ESYT2: variants seen among roughly 807,000 people sequenced by gnomAD.
ESYT2 encodes the protein extended synaptotagmin 2.
ESYT2 carries 54 observed loss-of-function variants against 107.2 expected under a neutral mutation model. The ratio of observed to expected loss-of-function variants is 0.50; its 90% CI spans 0.40 to 0.63. The LOEUF (loss-of-function observed/expected upper bound fraction) is 0.63, where lower values mean the gene tolerates loss of function less well. Among genes scored for constraint, ESYT2 ranks in the 30% least tolerant of loss-of-function variants. ESYT2 has a pLI of 0.00. For synonymous variants in ESYT2, 491 were observed against 434.1 expected, an observed-to-expected ratio of 1.13 and a Z score of -1.63; for missense variants, 1,020 against 1,094.5, an observed-to-expected ratio of 0.93 and a Z score of 0.96.
chr7:158,828,411 C>T (rs1293970510), intron 1 of ESYT2, among the ~76,000 whole-genome samples: 1 of 152,248 alleles, frequency 6.6e-6, no homozygotes, highest in African/African-American at 2.4e-5. Flanking sequence ...CCTAAGGAGA[C>T]CCCGCGGGCG....
chr7:158,825,350 G>A (rs190578084), intron 1 of ESYT2, among the ~76,000 whole-genome samples: 393 of 152,246 alleles, frequency 2.6e-3, no homozygotes, highest in African/African-American at 8.3e-3. Flanking sequence ...TTCACCCAGG[G>A]TAGTCTAATG....
intron 6 of ESYT2, among the ~76,000 whole-genome samples, chr7:158,780,576 G>A (rs780993586): frequency 5.3e-5 from 8 of 152,168 alleles, no homozygotes; most frequent in Non-Finnish European, 8.8e-5. Context: ...AACTATCAAC[G>A]ATGGAGTATT....
At chr7:158,808,327 C>A (rs577012273) in intron 1 of ESYT2, among the ~76,000 whole-genome samples, 1 of 152,248 alleles carries the variant, frequency 6.6e-6, no homozygotes, top group Non-Finnish European at 1.5e-5. Flanking sequence ...GGCACGTTCG[C>A]GCCGAGCATG....
chr7:158,738,991 C>T (rs772787760), intron 19 of ESYT2, 32 bp downstream of exon 19: 1 of 1,600,954 alleles, frequency 6.2e-7, no homozygotes, highest in Non-Finnish European at 8.6e-7. Context: ...CTCAGCAGCA[C>T]AGCAGCGGGC....
At chr7:158,735,715 T>A (rs1836914779) in intron 20 of ESYT2, 107 bp from the exon 21 acceptor site, 2 of 985,160 alleles carry the variant, frequency 2.0e-6, no homozygotes, top group Non-Finnish European at 3.1e-6. Context: ...TCATGTTTGT[T>A]TTTTATTATA....
At chr7:158,781,719 G>C (rs546245186) in intron 6 of ESYT2, among the ~76,000 whole-genome samples, 2 of 151,620 alleles carry the variant, frequency 1.3e-5, no homozygotes, top group Non-Finnish European at 2.9e-5. Flanking sequence ...GTAAGAACGA[G>C]AACAAATGTG....
At chr7:158,756,769 C>G (rs1376316072) in intron 13 of ESYT2, among the ~76,000 whole-genome samples, 1 of 151,772 alleles carries the variant, frequency 6.6e-6, no homozygotes, top group African/African-American at 2.4e-5. Context: ...ATTAGCCAGG[C>G]GTCGTGGTGG....
At chr7:158,810,679 C>A (rs1839968810) in intron 1 of ESYT2, among the ~76,000 whole-genome samples, 1 of 145,094 alleles carries the variant, frequency 6.9e-6, no homozygotes. Flanking sequence ...GAGACCCTGT[C>A]TTGGGGGGGA....
rs1249819849 is a variant in ESYT2, at chr7:158,734,297, A to T, written c.2556-45T>A. Reference sequence around the variant, plus strand: ...GAAGGTGGTGACGGATACAGGACCAAGTAGGAAAAGCCTATCAGATACGTG... The same window carrying T: ...GAAGGTGGTGACGGATACAGGACCATGTAGGAAAAGCCTATCAGATACGTG... On this transcript the variant is annotated intron_variant, in intron 22 of 22. Transcript: ENST00000275418. 2.5e-6 allele frequency: 4 copies of T among 1,613,798 alleles called. No homozygotes were observed. In the South Asian group the frequency reaches 3.3e-5, roughly 13 times the overall value.
At chr7:158,748,316 T>A in intron 15 of ESYT2, 36 bp from the exon 16 acceptor site, 1 of 1,546,520 alleles carries the variant, frequency 6.5e-7, no homozygotes, top group Non-Finnish European at 8.9e-7. Context: ...CTCTGATATT[T>A]TCTGTGGAAA....
At chr7:158,744,122 G>C (rs960011327) in intron 16 of ESYT2, 2 of 154,072 alleles carry the variant, frequency 1.3e-5, no homozygotes, top group Non-Finnish European at 2.9e-5. Flanking sequence ...CTGTAAGAAA[G>C]ATATTTTTAA....
At chr7:158,781,611 GTGAA>G (rs1221887995) in intron 6 of ESYT2, among the ~76,000 whole-genome samples, 3 of 117,886 alleles carry the variant, frequency 2.5e-5, no homozygotes, top group South Asian at 2.9e-4. Context: ...GAGAACAAGT[GTGAA>G]TGAACGAGTG....
chr7:158,814,008 C>T (rs191276404), intron 1 of ESYT2, among the ~76,000 whole-genome samples: 1 of 152,118 alleles, frequency 6.6e-6, no homozygotes, highest in Non-Finnish European at 1.5e-5. Context: ...GACGCGGTGG[C>T]TAACGCTGTG....
At position 158,753,758 on chromosome 7, in the gene ESYT2, C is replaced by T. The variant is rs145360731; in HGVS notation, c.1420-915G>A. Among the ~76,000 whole-genome samples the T allele has an allele frequency of 2.7e-3, 412 of 151,866 alleles. 2 individuals carry two copies. The highest frequency in any genetic ancestry group is 9.6e-3 in the African/African-American group (397 of 41,396). On this transcript the variant is annotated intron_variant, in intron 13 of 22. Coordinates refer to ENST00000275418, the MANE Select transcript of ESYT2 (RefSeq NM_001367773.1). ...CATGACCCTAAAGCTGCCGGTGGAG[C>T]TCTCAAAAGTCCCTAGATCCACTGC...
At chr7:158,744,951 G>A (rs1837347852) in intron 16 of ESYT2, among the ~76,000 whole-genome samples, 1 of 152,212 alleles carries the variant, frequency 6.6e-6, no homozygotes, top group African/African-American at 2.4e-5. Context: ...CCAAGGTCCA[G>A]TAAGCATAGA....
At chr7:158,778,458 TAA>T (rs199845668) in intron 6 of ESYT2, among the ~76,000 whole-genome samples, 241 of 125,486 alleles carry the variant, frequency 1.9e-3, no homozygotes, top group African/African-American at 6.1e-3. Context: ...GATAAAAATG[TAA>T]AAAAAAAAAA....
At chr7:158,774,369 A>C (rs1199157402) in intron 6 of ESYT2, among the ~76,000 whole-genome samples, 2 of 152,226 alleles carry the variant, frequency 1.3e-5, no homozygotes, top group Admixed American at 6.5e-5. Context: ...AGATATAAAT[A>C]TAAAATATTA....
At chr7:158,808,193 C>T (rs191689106) in intron 1 of ESYT2, among the ~76,000 whole-genome samples, 54 of 152,340 alleles carry the variant, frequency 3.5e-4, no homozygotes, top group African/African-American at 1.2e-3. Context: ...CGCAGTCAAC[C>T]AAGGTCAGAA....
intron 11 of ESYT2, 110 bp from the exon 12 acceptor site, chr7:158,760,257 A>C (rs1248400922): frequency 5.4e-6 from 5 of 930,620 alleles, no homozygotes; most frequent in African/African-American, 1.6e-5. Context: ...CGAGGCATCA[A>C]CAGTTCTCAG....
Sources: gnomAD v4.1 joint callset for allele counts (sites outside exome capture counted in the v4.1 genomes callset) on GRCh38, gnomAD v4.1.1 for gene constraint, MANE v1.5 for transcripts, NCBI Gene and HGNC (gene_info 2026-07-23, HGNC 2026-07-21) for gene names.